The following FBXO42 variants were observed in gnomAD, a reference collection of about 807,000 sequenced individuals.
FBXO42 encodes F-box only protein 42.
In FBXO42, 12 loss-of-function variants were observed where a neutral mutation model predicts 71.7. The observed-to-expected ratio is 0.17, with a 90% confidence interval of 0.11 to 0.27. FBXO42 has a LOEUF of 0.27. FBXO42 is among the 10% of genes least tolerant of loss of function. The pLI is 1.00. For missense variants in FBXO42, 707 were observed against 911.9 expected (o/e 0.78, Z 2.89); for synonymous variants, 325 against 327.5 (o/e 0.99, Z 0.08).
chr1:16,265,699 G>C lies in FBXO42; in HGVS notation c.503-8940C>G, dbSNP rs191004047. Among the ~76,000 whole-genome samples the C allele has an allele frequency of 2.7e-5, 4 of 147,882 alleles. No homozygotes were observed. The East Asian group carries it at 7.9e-4, about 29-fold the overall frequency. ...CAAATTCCATGTTCTGAGTAATCAA[G>C]AAATCCAACCTAAAGGGTTATTTAA... is the stretch of plus-strand genomic sequence containing the variant. On this transcript the variant is annotated intron_variant, in intron 4 of 9. Transcript: ENST00000375592.
intron 4 of FBXO42, chr1:16,292,457 A>C (rs1414521499): frequency 6.6e-6 from 1 of 152,092 alleles, no homozygotes; most frequent in Non-Finnish European, 1.5e-5. Flanking sequence ...TGCCTGGCTA[A>C]TTTTTTGTTT....
intron 4 of FBXO42, among the ~76,000 whole-genome samples, chr1:16,274,382 G>A (rs11587155): frequency 0.27 from 41,411 of 151,748 alleles, 6,545 homozygotes; most frequent in Non-Finnish European, 0.37. Flanking sequence ...GTCAGAATAG[G>A]AGCTGACCTC....
chr1:16,291,545 T>C (rs1025940384), intron 4 of FBXO42, among the ~76,000 whole-genome samples: 6 of 151,996 alleles, frequency 3.9e-5, no homozygotes, highest in Non-Finnish European at 2.9e-5. Context: ...CATGCCCTGC[T>C]AATTTTTTGT....
intron 1 of FBXO42, among the ~76,000 whole-genome samples, chr1:16,326,618 A>C (rs61769854): frequency 0.082 from 12,207 of 149,526 alleles, 676 homozygotes; most frequent in Non-Finnish European, 0.12. Context: ...CAGGAGGTAG[A>C]GGTTGCAGTG....
At chr1:16,320,828 A>T (rs1335542053) in intron 1 of FBXO42, among the ~76,000 whole-genome samples, 4 of 152,106 alleles carry the variant, frequency 2.6e-5, no homozygotes, top group Middle Eastern at 3.4e-3. Context: ...TAACTTTCTT[A>T]TATTTTTAAC....
intron 1 of FBXO42, among the ~76,000 whole-genome samples, chr1:16,337,883 CAAAAAAAAAAAAAAAAAA>C (rs60328879): frequency 2.3e-4 from 9 of 38,852 alleles, no homozygotes; most frequent in South Asian, 1.7e-3. Flanking sequence ...GACTCCGTCT[CAAAAAAAAAAAAAAAAAA>C]AAAAAAAAAA....
intron 4 of FBXO42, among the ~76,000 whole-genome samples, chr1:16,261,495 G>T (rs1422216890): frequency 6.6e-6 from 1 of 152,144 alleles, no homozygotes; most frequent in African/African-American, 2.4e-5. Context: ...TCACAAAGTA[G>T]GAGCATCTTA....
chr1:16,286,482 A>G (rs892899740), intron 4 of FBXO42, among the ~76,000 whole-genome samples: 2 of 152,194 alleles, frequency 1.3e-5, no homozygotes, highest in African/African-American at 4.8e-5. Flanking sequence ...TCATGAGAAC[A>G]GCATGGGCGA....
chr1:16,302,764 C>A (rs955111711), intron 3 of FBXO42, among the ~76,000 whole-genome samples: 4 of 152,238 alleles, frequency 2.6e-5, no homozygotes, highest in African/African-American at 9.6e-5. Flanking sequence ...CCCTCCTCAG[C>A]CTCCCAAAGT....
rs1254166947 is a variant in FBXO42, at chr1:16,352,389, G to A, written c.-152C>T. On this transcript the variant is annotated 5_prime_UTR_variant, in exon 1 of 10. Transcript: ENST00000375592. Reference sequence around the variant, plus strand: ...GCTCGGGGCTCCTCACAGCTGGCGGGACCCCGAGCCGCCCGGAGCCGCCAT... The same window carrying A: ...GCTCGGGGCTCCTCACAGCTGGCGGAACCCCGAGCCGCCCGGAGCCGCCAT... The A allele has an allele frequency of 1.0e-5, 4 of 399,562 alleles. No individual in the cohort carries two copies. In the South Asian group the frequency reaches 3.8e-4, roughly 38 times the overall value. 24.8% of individuals were successfully genotyped at this position (399,562 alleles called of 1,614,324 possible).
intron 4 of FBXO42, among the ~76,000 whole-genome samples, chr1:16,273,645 T>A (rs1374543594): frequency 6.6e-6 from 1 of 151,038 alleles, no homozygotes; most frequent in African/African-American, 2.4e-5. Context: ...CTTTGGAGGC[T>A]GAGGTGGGCA....
chr1:16,308,735 T>C (rs1254828450), intron 2 of FBXO42, among the ~76,000 whole-genome samples: 1 of 140,366 alleles, frequency 7.1e-6, no homozygotes, highest in Non-Finnish European at 1.5e-5. Flanking sequence ...GGAGACCCCA[T>C]CTCTGTTTTT....
At chr1:16,261,274 T>A (rs932798125) in intron 4 of FBXO42, among the ~76,000 whole-genome samples, 2 of 152,156 alleles carry the variant, frequency 1.3e-5, no homozygotes, top group Admixed American at 6.5e-5. Flanking sequence ...TTACTTATTC[T>A]CCGAACTCTC....
intron 3 of FBXO42, among the ~76,000 whole-genome samples, chr1:16,303,648 A>G (rs1436867181): frequency 6.6e-6 from 1 of 151,670 alleles, no homozygotes; most frequent in Non-Finnish European, 1.5e-5. Flanking sequence ...ACTCACTGCA[A>G]CCTCCGCCTC....
chr1:16,343,586 G>A (rs547458253), intron 1 of FBXO42, among the ~76,000 whole-genome samples: 64 of 152,130 alleles, frequency 4.2e-4, no homozygotes, highest in Non-Finnish European at 8.5e-4. Flanking sequence ...CACTTTGGGA[G>A]GCCGAGGCAG....
chr1:16,334,075 C>T (rs55964220), intron 1 of FBXO42, among the ~76,000 whole-genome samples: 3 of 152,048 alleles, frequency 2.0e-5, no homozygotes, highest in African/African-American at 7.2e-5. Flanking sequence ...TCAAAGATAG[C>T]TTATAATATG....
chr1:16,297,541 T>A (rs2082143149), intron 3 of FBXO42, among the ~76,000 whole-genome samples: 1 of 152,040 alleles, frequency 6.6e-6, no homozygotes, highest in Admixed American at 6.6e-5. Flanking sequence ...TGCAAAATAT[T>A]TATGGTATCC....
chr1:16,287,178 T>C (rs1437676526), intron 4 of FBXO42, among the ~76,000 whole-genome samples: 2 of 152,234 alleles, frequency 1.3e-5, no homozygotes, highest in Non-Finnish European at 2.9e-5. Context: ...GATTCCTCAG[T>C]ATCCCTTGAC....
chr1:16,266,012 T>G (rs886754868), intron 4 of FBXO42, among the ~76,000 whole-genome samples: 7 of 144,478 alleles, frequency 4.8e-5, no homozygotes, highest in Admixed American at 2.0e-4. Context: ...CACTTCAGAC[T>G]TTTGGGGAGA....
Sources: gnomAD v4.1 joint callset for allele counts (sites outside exome capture counted in the v4.1 genomes callset) on GRCh38, gnomAD v4.1.1 for gene constraint, MANE v1.5 for transcripts, NCBI Gene and HGNC (gene_info 2026-07-23, HGNC 2026-07-21) for gene names.